The following CDH7 variants were observed in gnomAD, a reference collection of about 807,000 sequenced individuals.
CDH7 encodes the protein cadherin 7.
In CDH7, 25 loss-of-function variants were observed where a neutral mutation model predicts 71.8. That is an observed-to-expected ratio of 0.35 (90% CI 0.25 to 0.49). The LOEUF (loss-of-function observed/expected upper bound fraction) is 0.49, where lower values mean the gene tolerates loss of function less well. Among genes scored for constraint, CDH7 ranks in the 20% least tolerant of loss-of-function variants. The pLI is 0.99. For missense variants in CDH7, 862 were observed against 974.6 expected (o/e 0.88, Z 1.54); for synonymous variants, 381 against 363.8 (o/e 1.05, Z -0.54).
chr18:65,801,944 G>T (rs1425519174), intron 2 of CDH7, among the ~76,000 whole-genome samples: 1 of 152,124 alleles, frequency 6.6e-6, no homozygotes, highest in East Asian at 1.9e-4. Context: ...TATGCTATTG[G>T]TGTCTGCGAC....
At chr18:65,783,232 G>T (rs2143839448) in intron 2 of CDH7, among the ~76,000 whole-genome samples, 1 of 152,216 alleles carries the variant, frequency 6.6e-6, no homozygotes, top group Non-Finnish European at 1.5e-5. Context: ...TCAACATTCT[G>T]TTATTAGATA....
intron 3 of CDH7, among the ~76,000 whole-genome samples, chr18:65,810,828 C>T (rs1004443663): frequency 2.0e-5 from 3 of 152,094 alleles, no homozygotes; most frequent in East Asian, 1.9e-4. Context: ...TTTATAGCAA[C>T]GGTAAGGAGT....
At chr18:65,773,484 T>C (rs1180745056) in intron 2 of CDH7, among the ~76,000 whole-genome samples, 1 of 152,122 alleles carries the variant, frequency 6.6e-6, no homozygotes, top group Non-Finnish European at 1.5e-5. Context: ...GGTCCATCTC[T>C]TAGTGGAAGC....
chr18:65,844,046 T>G lies in CDH7; in HGVS notation c.1216T>G (p.Ser406Ala). 2 of 1,613,008 alleles carry G rather than the reference T, an allele frequency of 1.2e-6. No individual in the cohort carries two copies. Among genetic ancestry groups the G allele is most frequent in the South Asian group, 2.2e-5 (2 of 91,064 alleles). The change falls in exon 7 of 12, where the codon TCT becomes GCT. Residue 406 changes from serine (S) to alanine (A), a missense_variant. Coordinates refer to ENST00000397968, the MANE Select transcript of CDH7 (RefSeq NM_004361.5). ...CACTGTAGCAGCTCATGACCCAGAT[T>G]CTTCCAATAGCCCTGTGAGGTAAAA... ...IGTVAAHDPD[S>A]SNSPVRYSID...
At chr18:65,801,653 C>G (rs1205494468) in intron 2 of CDH7, among the ~76,000 whole-genome samples, 1 of 152,168 alleles carries the variant, frequency 6.6e-6, no homozygotes, top group African/African-American at 2.4e-5. Flanking sequence ...GTTTGCCCTC[C>G]TTGTTCTGTG....
intron 7 of CDH7, among the ~76,000 whole-genome samples, chr18:65,844,972 C>G (rs1912885589): frequency 1.3e-5 from 2 of 151,952 alleles, no homozygotes; most frequent in South Asian, 4.1e-4. Flanking sequence ...AAACTATCCA[C>G]AGACTTTTAG....
chr18:65,782,165 C>CTTTCTTTCTTT (rs1568182737), intron 2 of CDH7, among the ~76,000 whole-genome samples: 4 of 25,506 alleles, frequency 1.6e-4, no homozygotes, highest in Admixed American at 3.9e-4. Context: ...TTTCTTTCTT[C>CTTTCTTTCTTT]CTTTCTTTCT....
intron 10 of CDH7, among the ~76,000 whole-genome samples, chr18:65,861,120 G>A (rs561645186): frequency 7.0e-4 from 107 of 152,246 alleles, no homozygotes; most frequent in African/African-American, 2.3e-3. Flanking sequence ...GCACTAAAAT[G>A]TCAGCATTTA....
chr18:65,828,542 A>G (rs574297633), intron 6 of CDH7, among the ~76,000 whole-genome samples: 3 of 152,252 alleles, frequency 2.0e-5, no homozygotes, highest in African/African-American at 7.2e-5. Flanking sequence ...ATATATGAAG[A>G]TATTAGACTG....
At chr18:65,852,148 C>A (rs1913172787) in intron 7 of CDH7, among the ~76,000 whole-genome samples, 1 of 146,166 alleles carries the variant, frequency 6.8e-6, no homozygotes. Flanking sequence ...GATAGGAAAG[C>A]AGAGGGGTGA....
intron 2 of CDH7, among the ~76,000 whole-genome samples, chr18:65,783,802 C>G (rs1236941364): frequency 6.6e-6 from 1 of 151,622 alleles, no homozygotes; most frequent in African/African-American, 2.4e-5. Context: ...GAGAAAGACA[C>G]CAAGAATATG....
rs544097827 is a variant in CDH7 at position 65,836,381 on chromosome 18, T to C, written c.982-7431T>C. ...GATAGGCAGAGCCTATTTTAAACTG[T>C]GCTAAGTTTAAAATAATACGTGATG... On this transcript the variant is annotated intron_variant, in intron 6 of 11. Transcript: ENST00000397968. Among the ~76,000 whole-genome samples, 35 of 152,274 alleles carry C rather than the reference T, an allele frequency of 2.3e-4. No individual in the cohort carries two copies. The South Asian group carries it at 6.8e-3, about 30-fold the overall frequency.
intron 2 of CDH7, among the ~76,000 whole-genome samples, chr18:65,766,137 G>T (rs908535191): frequency 6.6e-6 from 1 of 151,998 alleles, no homozygotes; most frequent in African/African-American, 2.4e-5. Context: ...TTTTGGGGGA[G>T]CTTAATAATG....
At chr18:65,830,592 C>G (rs1464768817) in intron 6 of CDH7, among the ~76,000 whole-genome samples, 1 of 102,306 alleles carries the variant, frequency 9.8e-6, no homozygotes, top group Non-Finnish European at 2.2e-5. Flanking sequence ...CTCTCTCCTT[C>G]CCTCCCCCCT....
intron 10 of CDH7, among the ~76,000 whole-genome samples, chr18:65,861,090 A>G (rs894254793): frequency 1.3e-5 from 2 of 152,162 alleles, no homozygotes; most frequent in African/African-American, 2.4e-5. Flanking sequence ...CAATACCACC[A>G]TGATTGCTGT....
intron 7 of CDH7, among the ~76,000 whole-genome samples, chr18:65,852,678 C>T (rs1913192889): frequency 6.6e-6 from 1 of 152,038 alleles, no homozygotes; most frequent in African/African-American, 2.4e-5. Context: ...GATATAAAGA[C>T]ATCACATCTA....
intron 5 of CDH7, among the ~76,000 whole-genome samples, chr18:65,823,381 A>G (rs2143940234): frequency 6.6e-6 from 1 of 152,008 alleles, no homozygotes; most frequent in East Asian, 1.9e-4. Flanking sequence ...TTATAATGAA[A>G]TGAACTGCTT....
intron 11 of CDH7, among the ~76,000 whole-genome samples, chr18:65,868,781 C>T (rs2587410): frequency 0.77 from 116,397 of 152,098 alleles, 44,726 homozygotes; most frequent in East Asian, 0.93. Flanking sequence ...GGAAACTTTT[C>T]TTCTATATTA....
At chr18:65,770,479 A>G (rs1395404832) in intron 2 of CDH7, among the ~76,000 whole-genome samples, 3 of 152,222 alleles carry the variant, frequency 2.0e-5, no homozygotes, top group Non-Finnish European at 2.9e-5. Context: ...ATGTTAATGT[A>G]TTTACAGGGT....
Sources: gnomAD v4.1 joint callset for allele counts (sites outside exome capture counted in the v4.1 genomes callset) on GRCh38, gnomAD v4.1.1 for gene constraint, MANE v1.5 for transcripts, NCBI Gene and HGNC (gene_info 2026-07-23, HGNC 2026-07-21) for gene names.